Variants in DNAH11 observed in about 807,000 individuals in gnomAD.
DNAH11 encodes axonemal beta dynein heavy chain 11.
DNAH11 carries 442 observed loss-of-function variants against 526.0 expected under a neutral mutation model. The observed-to-expected ratio is 0.84, with a 90% CI of 0.78 to 0.91. The LOEUF is 0.91. Ranked by LOEUF, DNAH11 falls within the 40% of genes least tolerant of loss-of-function variation. The probability of loss-of-function intolerance (pLI) is 0.00; values close to 1 mark genes in which losing one functional copy is unlikely to be tolerated. For missense variants in DNAH11, 6,989 were observed against 5,448.7 expected, an observed-to-expected ratio of 1.28 and a Z score of -8.90; for synonymous variants, 2,461 against 1,935.9, an observed-to-expected ratio of 1.27 and a Z score of -7.12.
At chr7:21,894,122 C>G (rs1029034542) in intron 77 of DNAH11, among the ~76,000 whole-genome samples, 1 of 152,176 alleles carries the variant, frequency 6.6e-6, no homozygotes, top group Non-Finnish European at 1.5e-5. Flanking sequence ...CTCCTGACTT[C>G]AAGCGATCTG....
chr7:21,609,506 C>T (rs913198938), intron 20 of DNAH11, among the ~76,000 whole-genome samples: 1 of 152,126 alleles, frequency 6.6e-6, no homozygotes, highest in African/African-American at 2.4e-5. Context: ...AAGCATGAGC[C>T]ACTGTGCCCG....
At position 21,558,980 on chromosome 7, in the gene DNAH11, A is replaced by G. The variant is rs970001175; in HGVS notation, c.674A>G (p.Gln225Arg). The change falls in exon 3 of 82, where the codon CAG becomes CGG. Residue 225 changes from glutamine to arginine, a missense_variant. By Grantham distance (43) the Gln-to-Arg change is conservative. Transcript: ENST00000409508. ...PTVAGKMDLD[Q>R]NCSENKPPSN... is the part of the protein sequence containing the mutation. The stretch of plus-strand genomic sequence containing the variant: ...GTTGCAGGAAAGATGGATCTGGATC[A>G]GAATTGTTCAGAGAACAAGTACGTA... 4.4e-6 allele frequency: 7 copies of G among 1,579,790 alleles called. No homozygotes were observed. Among genetic ancestry groups the G allele is most frequent in the Non-Finnish European group, 6.0e-6 (7 of 1,161,412 alleles).
At chr7:21,615,064 C>T (rs372718688) in intron 20 of DNAH11, 50 bp from the exon 21 acceptor site, 3 of 1,539,362 alleles carry the variant, frequency 1.9e-6, no homozygotes, top group Non-Finnish European at 1.7e-6. Flanking sequence ...AACTGCATGT[C>T]TTCTCTTTCT....
intron 15 of DNAH11, 125 bp from the exon 16 acceptor site, chr7:21,600,550 CA>C (rs1785039988): frequency 1.4e-5 from 16 of 1,131,666 alleles, no homozygotes; most frequent in Non-Finnish European, 1.9e-5. Flanking sequence ...TTGGAAAAAG[CA>C]ACATGATTTT....
intron 2 of DNAH11, among the ~76,000 whole-genome samples, chr7:21,556,245 C>T (rs1562657641): frequency 6.6e-6 from 1 of 152,148 alleles, no homozygotes; most frequent in African/African-American, 2.4e-5. Flanking sequence ...CTTTTTGTGA[C>T]TTTCTAGGTG....
chr7:21,855,440 GAAC>G (rs372877729), intron 68 of DNAH11, among the ~76,000 whole-genome samples: 66 of 152,214 alleles, frequency 4.3e-4, no homozygotes, highest in African/African-American at 1.5e-3. Flanking sequence ...AAAATAATAA[GAAC>G]AACTATTTAT....
chr7:21,572,892 T>A (rs567473893), intron 8 of DNAH11, among the ~76,000 whole-genome samples: 70 of 152,324 alleles, frequency 4.6e-4, no homozygotes, highest in African/African-American at 1.6e-3. Context: ...ATGAATAATT[T>A]GAGTGAGCTC....
chr7:21,580,099 G>A (rs1444971419), intron 8 of DNAH11, among the ~76,000 whole-genome samples: 1 of 152,134 alleles, frequency 6.6e-6, no homozygotes, highest in Non-Finnish European at 1.5e-5. Context: ...CCAAGGGAGA[G>A]GTCCCACGTG....
chr7:21,704,220 A>T (rs1019556180), intron 37 of DNAH11, among the ~76,000 whole-genome samples: 3 of 152,184 alleles, frequency 2.0e-5, no homozygotes, highest in Admixed American at 2.0e-4. Flanking sequence ...TTCTTATTCT[A>T]AGGATTGTTC....
intron 2 of DNAH11, among the ~76,000 whole-genome samples, chr7:21,548,443 G>C (rs1247020346): frequency 6.6e-6 from 1 of 152,166 alleles, no homozygotes; most frequent in African/African-American, 2.4e-5. Flanking sequence ...GAGCTCTTTG[G>C]TTTTGGGCCT....
chr7:21,786,774 G>A lies in DNAH11; in HGVS notation c.9741+7G>A, dbSNP rs766603317. ...TAAAGTCTTCATGGGAAAGGTATCAGCCCAGCCTGGCAAGATGAAAATCCT... is the reference window on the plus strand; with the variant it reads ...TAAAGTCTTCATGGGAAAGGTATCAACCCAGCCTGGCAAGATGAAAATCCT... On this transcript the variant is annotated splice_region_variant and intron_variant, in intron 59 of 81. Transcript: ENST00000409508. 25 of 1,613,532 alleles carry A rather than the reference G, an allele frequency of 1.5e-5. No individual in the cohort carries two copies. The highest frequency in any genetic ancestry group is 1.9e-5 in the Non-Finnish European group (23 of 1,179,620).
rs1481733598 is a variant in DNAH11, at chr7:21,634,806, G to A, written c.4501-1065G>A. ...AACAAGCCTGCATATGTACCCCCCC[G>A]AACCCAAAATAAATGTTGGAAGGGA... On this transcript the variant is annotated intron_variant, in intron 25 of 81. Transcript: ENST00000409508. Among the ~76,000 whole-genome samples the A allele has an allele frequency of 4.6e-5, 7 of 151,822 alleles. No homozygotes were observed. The South Asian group carries it at 6.3e-4, about 14-fold the overall frequency.
chr7:21,667,778 T>A (rs1258325920), intron 30 of DNAH11, among the ~76,000 whole-genome samples: 4 of 152,234 alleles, frequency 2.6e-5, no homozygotes, highest in Non-Finnish European at 5.9e-5. Context: ...TGTGTACGTA[T>A]GTGATTTTTT....
At chr7:21,765,296 A>C in intron 54 of DNAH11, 132 bp from the exon 55 acceptor site, 1 of 1,313,616 alleles carries the variant, frequency 7.6e-7, no homozygotes, top group Non-Finnish European at 1.1e-6. Flanking sequence ...GTTGCTGTCC[A>C]CTCTCTAGGG....
At chr7:21,663,770 T>A (rs1782322783) in intron 30 of DNAH11, among the ~76,000 whole-genome samples, 3 of 151,168 alleles carry the variant, frequency 2.0e-5, no homozygotes, top group Non-Finnish European at 4.4e-5. Flanking sequence ...TTTTTTTTTT[T>A]AAAGACACAA....
intron 65 of DNAH11, among the ~76,000 whole-genome samples, chr7:21,829,692 T>G (rs1410227484): frequency 6.6e-6 from 1 of 152,258 alleles, no homozygotes; most frequent in Non-Finnish European, 1.5e-5. Flanking sequence ...GTAACTATAC[T>G]AAATCTTGAG....
At chr7:21,891,607 C>T (rs1218444388) in intron 76 of DNAH11, among the ~76,000 whole-genome samples, 4 of 152,104 alleles carry the variant, frequency 2.6e-5, no homozygotes, top group Admixed American at 2.6e-4. Context: ...TATTGCTATT[C>T]ACATTGCCTT....
intron 6 of DNAH11, among the ~76,000 whole-genome samples, chr7:21,567,719 G>C (rs1783729312): frequency 6.6e-6 from 1 of 152,226 alleles, no homozygotes. Context: ...GGGAATGCCA[G>C]TCAGAGTCGG....
intron 28 of DNAH11, 26 bp from the exon 29 acceptor site, chr7:21,655,806 T>C: frequency 6.2e-7 from 1 of 1,601,676 alleles, no homozygotes; most frequent in Non-Finnish European, 8.5e-7. Context: ...GAAATGTTCT[T>C]ATCTTTTCTA....
Sources: allele counts gnomAD v4.1 joint callset (sites outside exome capture counted in the v4.1 genomes callset), GRCh38; gene constraint gnomAD v4.1.1; transcripts MANE v1.5; gene names NCBI Gene and HGNC (gene_info 2026-07-23, HGNC 2026-07-21).